TMEM132D: variants seen among roughly 807,000 people sequenced by gnomAD.
TMEM132D encodes the protein mature OL transmembrane protein.
TMEM132D carries 21 observed loss-of-function variants against 62.3 expected under a neutral mutation model. That is an observed-to-expected ratio of 0.34 (90% confidence interval 0.24 to 0.49). The LOEUF (loss-of-function observed/expected upper bound fraction) is 0.49. TMEM132D is among the 20% of genes least tolerant of loss of function. The pLI is 0.99. For missense variants in TMEM132D, 1,346 were observed against 1,402.8 expected, an observed-to-expected ratio of 0.96 and a Z score of 0.65; for synonymous variants, 621 against 575.6, an observed-to-expected ratio of 1.08 and a Z score of -1.13.
In TMEM132D at chr12:129,225,166, A is replaced by G. The variant is rs372554694; in HGVS notation, c.1300-15503T>C. Among the ~76,000 whole-genome samples the G allele has an allele frequency of 9.9e-5, 15 of 152,168 alleles. 2 individuals carry two copies. Among genetic ancestry groups the G allele is most frequent in the Admixed American group, 7.9e-4 (12 of 15,278 alleles). On this transcript the variant is annotated intron_variant, in intron 4 of 8. Transcript: ENST00000422113. ...CGAAATCGGGACTGGAAAAGTTTCC[A>G]TGCTATTGGGTTGAAGGGAAGGATT...
intron 3 of TMEM132D, among the ~76,000 whole-genome samples, chr12:129,429,968 A>C (rs993356577): frequency 4.6e-5 from 7 of 151,784 alleles, no homozygotes; most frequent in Non-Finnish European, 4.4e-5. Context: ...ACATTTTCTT[A>C]ATCCAGTCTA....
intron 7 of TMEM132D, among the ~76,000 whole-genome samples, chr12:129,081,234 A>G (rs1021705175): frequency 1.3e-5 from 2 of 152,250 alleles, no homozygotes; most frequent in African/African-American, 2.4e-5. Context: ...GAGCCAGCCC[A>G]GAGTTTCTCC....
chr12:129,452,094 C>T (rs988952037), intron 3 of TMEM132D, among the ~76,000 whole-genome samples: 3 of 152,202 alleles, frequency 2.0e-5, no homozygotes, highest in East Asian at 3.8e-4. Context: ...CCTGGCTCCT[C>T]ATGTCCTCTG....
At chr12:129,168,149 G>T (rs1264196474) in intron 5 of TMEM132D, among the ~76,000 whole-genome samples, 3 of 152,122 alleles carry the variant, frequency 2.0e-5, no homozygotes, top group Non-Finnish European at 4.4e-5. Context: ...AACAGTGAAG[G>T]TATTGTCCCT....
chr12:129,327,948 A>G (rs1868969811), intron 4 of TMEM132D, among the ~76,000 whole-genome samples: 1 of 152,040 alleles, frequency 6.6e-6, no homozygotes, highest in African/African-American at 2.4e-5. Flanking sequence ...TCCTTGTACC[A>G]TTTCCCCACT....
chr12:129,504,122 C>T (rs989378980), intron 3 of TMEM132D, among the ~76,000 whole-genome samples: 6 of 152,022 alleles, frequency 3.9e-5, no homozygotes, highest in Non-Finnish European at 8.8e-5. Flanking sequence ...ACCATCACTG[C>T]CAACACCATC....
chr12:129,519,037 C>A (rs1387198805), intron 3 of TMEM132D, among the ~76,000 whole-genome samples: 1 of 152,094 alleles, frequency 6.6e-6, no homozygotes, highest in Non-Finnish European at 1.5e-5. Context: ...CAGTTACAGC[C>A]CAAGGAGGTT....
intron 3 of TMEM132D, among the ~76,000 whole-genome samples, chr12:129,527,310 G>C (rs866805916): frequency 2.0e-5 from 3 of 151,872 alleles, no homozygotes; most frequent in South Asian, 2.1e-4. Flanking sequence ...CCTTGTCTCA[G>C]GAAACAAAAC....
At chr12:129,432,506 ATAAG>A (rs1483431886) in intron 3 of TMEM132D, among the ~76,000 whole-genome samples, 5 of 152,240 alleles carry the variant, frequency 3.3e-5, no homozygotes, top group Admixed American at 2.0e-4. Flanking sequence ...ATACGGGTGT[ATAAG>A]TAAGACAACT....
At position 129,277,632 on chromosome 12, in the gene TMEM132D, G is replaced by T. The variant is rs765811243; in HGVS notation, c.1299+60002C>A. ...AAGTTGCTCATTTAAAAATTTAAAA[G>T]ATTACATTTGAAAGTTAGAAACAAA... On this transcript the variant is annotated intron_variant, in intron 4 of 8. Transcript: ENST00000422113. The surrounding 1 kb of genome is among the most constrained non-coding windows in gnomAD (Gnocchi z 4.2). 5.9e-5 allele frequency among the ~76,000 whole-genome samples: 9 copies of T among 152,152 alleles called. No homozygotes were observed. Among genetic ancestry groups the T allele is most frequent in the African/African-American group, 9.7e-5 (4 of 41,432 alleles).
chr12:129,133,599 T>C (rs1348846312), intron 5 of TMEM132D, among the ~76,000 whole-genome samples: 1 of 152,212 alleles, frequency 6.6e-6, no homozygotes, highest in East Asian at 1.9e-4. Flanking sequence ...TGAGGATAGA[T>C]ATGGGCTAGG....
In TMEM132D at chr12:129,700,623, T is replaced by C. The variant is rs550818387; in HGVS notation, c.155A>G (p.His52Arg). 5.5e-5 allele frequency: 89 copies of C among 1,613,898 alleles called. 1 individual carries two copies. In the Admixed American group the frequency reaches 1.5e-3, roughly 26 times the overall value. The change falls in exon 2 of 9, where the codon CAC becomes CGC. Residue 52 changes from histidine (H) to arginine (R), a missense_variant. Transcript: ENST00000422113. ...LLPTYLPVTY[H>R]INNADVSFFL... ...GAAGGAGACGTCCGCGTTGTTGATGTGGTAGGTCACGGGGAGGTAGGTGGG... is the reference window on the plus strand; with the variant it reads ...GAAGGAGACGTCCGCGTTGTTGATGCGGTAGGTCACGGGGAGGTAGGTGGG...
At chr12:129,078,970 C>T (rs752031970) in intron 7 of TMEM132D, among the ~76,000 whole-genome samples, 2 of 152,172 alleles carry the variant, frequency 1.3e-5, no homozygotes, top group African/African-American at 2.4e-5. Context: ...TGGCCCTCTC[C>T]CCACACCCCA....
At chr12:129,212,313 G>A (rs568451416) in intron 4 of TMEM132D, 3 of 152,282 alleles carry the variant, frequency 2.0e-5, no homozygotes, top group South Asian at 2.1e-4. Context: ...AGATCTCAGC[G>A]TGGCTGAGTG....
rs539569607 is a variant in TMEM132D, at chr12:129,119,945, C to T, written c.1444-35243G>A. ...GAGAGAGGTGATATTTTCACTGAGA[C>T]CTGAATCTTAAGTCACGTGTCAACT... On this transcript the variant is annotated intron_variant, in intron 5 of 8. Coordinates refer to ENST00000422113, the MANE Select transcript of TMEM132D (RefSeq NM_133448.3). Among the ~76,000 whole-genome samples the T allele has an allele frequency of 2.0e-5, 3 of 151,910 alleles. No individual in the cohort carries two copies. The East Asian group carries it at 5.8e-4, about 29-fold the overall frequency.
intron 2 of TMEM132D, among the ~76,000 whole-genome samples, chr12:129,640,133 C>T (rs545388106): frequency 1.1e-4 from 16 of 152,100 alleles, no homozygotes; most frequent in Admixed American, 3.3e-4. Flanking sequence ...GGTCACTCGC[C>T]TATTAATATT....
intron 5 of TMEM132D, among the ~76,000 whole-genome samples, chr12:129,088,048 C>CG (rs762683109): frequency 1.9e-4 from 11 of 58,096 alleles, no homozygotes; most frequent in African/African-American, 8.3e-4. Flanking sequence ...CCTCTATGAC[C>CG]GGGTGTCCTC....
chr12:129,357,126 AG>A (rs1870089021), intron 3 of TMEM132D, among the ~76,000 whole-genome samples: 1 of 151,812 alleles, frequency 6.6e-6, no homozygotes, highest in South Asian at 2.1e-4. Context: ...AGGTGCCTGT[AG>A]TCCCAGCTAC....
intron 4 of TMEM132D, among the ~76,000 whole-genome samples, chr12:129,246,834 C>T (rs1880133656): frequency 6.6e-6 from 1 of 152,088 alleles, no homozygotes; most frequent in South Asian, 2.1e-4. Flanking sequence ...ATATGTAAGA[C>T]AGACATATCT....
Sources: gnomAD v4.1 joint callset for allele counts (sites outside exome capture counted in the v4.1 genomes callset) on GRCh38, gnomAD v4.1.1 for gene constraint, Gnocchi (gnomAD v3.1) non-coding constraint, MANE v1.5 for transcripts, NCBI Gene and HGNC (gene_info 2026-07-23, HGNC 2026-07-21) for gene names.